Variants in KCNH7 observed in about 807,000 individuals in gnomAD.
KCNH7 encodes the protein voltage-gated inwardly rectifying potassium channel KCNH7.
KCNH7 carries 49 observed loss-of-function variants against 120.8 expected under a neutral mutation model. The observed-to-expected ratio is 0.41, with a 90% CI of 0.32 to 0.51. The LOEUF is 0.51. Among genes scored for constraint, KCNH7 ranks in the 20% least tolerant of loss-of-function variants. The pLI is 0.38. For missense variants in KCNH7, 1,097 were observed against 1,446.6 expected, an observed-to-expected ratio of 0.76 and a Z score of 3.92; for synonymous variants, 547 against 516.1, an observed-to-expected ratio of 1.06 and a Z score of -0.81.
chr2:162,416,692 G>A (rs1013386471), intron 9 of KCNH7, among the ~76,000 whole-genome samples: 1 of 152,092 alleles, frequency 6.6e-6, no homozygotes, highest in African/African-American at 2.4e-5. Flanking sequence ...ATGAATGACA[G>A]CATATATGGA....
chr2:162,570,730 G>T (rs543843796), intron 2 of KCNH7, among the ~76,000 whole-genome samples: 1 of 151,938 alleles, frequency 6.6e-6, no homozygotes, highest in East Asian at 1.9e-4. Context: ...GGGATGCAAG[G>T]CTGGTTCAAT....
chr2:162,682,977 G>A (rs1197280969), intron 2 of KCNH7, among the ~76,000 whole-genome samples: 2 of 151,838 alleles, frequency 1.3e-5, no homozygotes, highest in African/African-American at 4.8e-5. Flanking sequence ...ATATAGGATA[G>A]TCTAATTTTT....
chr2:162,577,977 C>G (rs1361427673), intron 2 of KCNH7, among the ~76,000 whole-genome samples: 1 of 151,966 alleles, frequency 6.6e-6, no homozygotes, highest in Non-Finnish European at 1.5e-5. Flanking sequence ...AAGTTACCTG[C>G]CCAAGGTCAT....
At chr2:162,437,282 C>T (rs1357782363) in intron 7 of KCNH7, among the ~76,000 whole-genome samples, 1 of 152,072 alleles carries the variant, frequency 6.6e-6, no homozygotes, top group Non-Finnish European at 1.5e-5. Flanking sequence ...ATGTATTTAT[C>T]ATAACTAGAC....
intron 2 of KCNH7, chr2:162,797,752 A>C (rs1427781368): frequency 1.3e-5 from 2 of 152,098 alleles, no homozygotes; most frequent in East Asian, 3.9e-4. Flanking sequence ...GTAAGCCAGA[A>C]GCAAGTTCTC....
chr2:162,379,286 C>T (rs967354321), intron 14 of KCNH7, among the ~76,000 whole-genome samples: 6 of 152,054 alleles, frequency 3.9e-5, no homozygotes, highest in Non-Finnish European at 8.8e-5. Flanking sequence ...TTTAAAGAAA[C>T]CACGCAGACT....
At chr2:162,562,393 T>C (rs1693104097) in intron 2 of KCNH7, among the ~76,000 whole-genome samples, 1 of 152,138 alleles carries the variant, frequency 6.6e-6, no homozygotes, top group African/African-American at 2.4e-5. Context: ...CGGCTCCTTC[T>C]GTCTGTGTAT....
At chr2:162,621,462 T>A (rs1047503807) in intron 2 of KCNH7, among the ~76,000 whole-genome samples, 3 of 151,988 alleles carry the variant, frequency 2.0e-5, no homozygotes, top group Non-Finnish European at 2.9e-5. Context: ...GCTGGAACCT[T>A]TTAACAGATA....
At chr2:162,398,327 C>T (rs560902147) in intron 10 of KCNH7, among the ~76,000 whole-genome samples, 1 of 151,790 alleles carries the variant, frequency 6.6e-6, no homozygotes, top group South Asian at 2.1e-4. Context: ...TCTTGTTTTA[C>T]AAAGGAATTC....
rs1005474442 is a variant in KCNH7, at chr2:162,538,367, C to CT, written c.308-1288dup. 4.6e-5 allele frequency among the ~76,000 whole-genome samples: 7 copies of CT among 152,060 alleles called. No homozygotes were observed. The South Asian group carries it at 1.2e-3, about 27-fold the overall frequency. ...TTAGGAAATGTGTCCATTTCGACTG[C>CT]TTTTTTTCACAACTAGCTGAGACCA... On this transcript the variant is annotated intron_variant, in intron 2 of 15. Transcript: ENST00000332142.
chr2:162,728,554 G>A (rs1276473092), intron 2 of KCNH7, among the ~76,000 whole-genome samples: 5 of 152,134 alleles, frequency 3.3e-5, no homozygotes, highest in African/African-American at 4.8e-5. Context: ...CAAGGCAGGC[G>A]GATCACCTGA....
At chr2:162,515,282 C>T (rs1042267941) in intron 4 of KCNH7, among the ~76,000 whole-genome samples, 15 of 151,544 alleles carry the variant, frequency 9.9e-5, no homozygotes, top group African/African-American at 2.2e-4. Context: ...GTATAGCACC[C>T]GTACTGAGAA....
At chr2:162,512,750 C>A (rs1691123202) in intron 4 of KCNH7, 76 bp from the exon 5 acceptor site, 1 of 1,101,780 alleles carries the variant, frequency 9.1e-7, no homozygotes, top group African/African-American at 1.6e-5. Context: ...CACTGAATTA[C>A]CTGTATAAAA....
intron 2 of KCNH7, among the ~76,000 whole-genome samples, chr2:162,614,852 CTT>C (rs547674274): frequency 6.3e-4 from 95 of 151,222 alleles, no homozygotes; most frequent in African/African-American, 1.9e-3. Flanking sequence ...TATTTGTACT[CTT>C]ATATTTCTTC....
chr2:162,592,510 A>G (rs1230969052), intron 2 of KCNH7, among the ~76,000 whole-genome samples: 5 of 152,012 alleles, frequency 3.3e-5, no homozygotes, highest in African/African-American at 1.2e-4. Flanking sequence ...TCTTGGCTAT[A>G]GGCTATGGGC....
chr2:162,619,839 A>C (rs1264285194), intron 2 of KCNH7, among the ~76,000 whole-genome samples: 1 of 152,064 alleles, frequency 6.6e-6, no homozygotes, highest in Non-Finnish European at 1.5e-5. Context: ...TTATTAATCA[A>C]CTTTTATTTA....
In KCNH7 at chr2:162,373,501, T is replaced by C. The variant is rs79262587; in HGVS notation, c.3293A>G (p.Lys1098Arg). The change falls in exon 15 of 16, where the codon AAA becomes AGA. Residue 1098 changes from lysine to arginine, a missense_variant. Transcript: ENST00000332142. ...GGAAGGGCTGAAACTTCGGTCAGTT[T>C]TGATGGATGCTTCCGGTTGACTGGT... ...MRTSQPEASIKTDRSFSPSSQ... is the reference protein window; with the variant it reads ...MRTSQPEASIRTDRSFSPSSQ... The C allele has an allele frequency of 9.3e-3, 14,550 of 1,570,160 alleles. 88 individuals carry two copies. The highest frequency in any genetic ancestry group is 0.011 in the Non-Finnish European group (12,522 of 1,157,780).
intron 6 of KCNH7, among the ~76,000 whole-genome samples, chr2:162,493,913 G>T (rs1422530171): frequency 6.6e-6 from 1 of 152,090 alleles, no homozygotes; most frequent in Non-Finnish European, 1.5e-5. Context: ...TCTTGCAAAA[G>T]AAATTCTGTG....
chr2:162,610,680 A>T (rs1682934474), intron 2 of KCNH7, among the ~76,000 whole-genome samples: 1 of 152,146 alleles, frequency 6.6e-6, no homozygotes. Flanking sequence ...TTTTATCTTC[A>T]TTTATCTCAT....
Sources: allele counts gnomAD v4.1 joint callset (sites outside exome capture counted in the v4.1 genomes callset), GRCh38; gene constraint gnomAD v4.1.1; transcripts MANE v1.5; gene names NCBI Gene and HGNC (gene_info 2026-07-23, HGNC 2026-07-21).